The following ALOX5 variants were observed in gnomAD, a reference collection of about 807,000 sequenced individuals.
ALOX5 encodes the protein polyunsaturated fatty acid 5-lipoxygenase.
Under a neutral mutation model 87.9 loss-of-function variants are expected in ALOX5, and 64 were observed. That is an observed-to-expected ratio of 0.73 (90% CI 0.60 to 0.90). The LOEUF (loss-of-function observed/expected upper bound fraction) is 0.90, where lower values mean the gene tolerates loss of function less well. Ranked by LOEUF, ALOX5 falls within the 40% of genes least tolerant of loss-of-function variation. ALOX5 has a pLI of 0.00. For missense variants in ALOX5, 822 were observed against 907.5 expected, an observed-to-expected ratio of 0.91 and a Z score of 1.21; for synonymous variants, 388 against 355.1, an observed-to-expected ratio of 1.09 and a Z score of -1.04.
intron 2 of ALOX5, among the ~76,000 whole-genome samples, chr10:45,393,178 G>A (rs1317107624): frequency 6.6e-6 from 1 of 152,134 alleles, no homozygotes; most frequent in Non-Finnish European, 1.5e-5. Context: ...CAATATCCCT[G>A]ATGAACATCG....
intron 3 of ALOX5, 135 bp from the exon 4 acceptor site, chr10:45,412,056 T>C (rs1841082225): frequency 1.5e-6 from 2 of 1,300,474 alleles, no homozygotes; most frequent in Non-Finnish European, 2.1e-6. Flanking sequence ...AGGGTCAGCC[T>C]ATGATGTGTT....
At chr10:45,418,132 G>T (rs1841361867) in intron 4 of ALOX5, among the ~76,000 whole-genome samples, 1 of 152,240 alleles carries the variant, frequency 6.6e-6, no homozygotes, top group African/African-American at 2.4e-5. Context: ...CACCGCCTCT[G>T]TGCTGGCACA....
chr10:45,400,841 T>C (rs1840674005), intron 3 of ALOX5, among the ~76,000 whole-genome samples: 2 of 152,094 alleles, frequency 1.3e-5, no homozygotes, highest in African/African-American at 4.8e-5. Flanking sequence ...AGGTGTCCTC[T>C]GGGGATGAGA....
In ALOX5 at chr10:45,445,719, G is replaced by A; in HGVS notation, c.*32G>A. The A allele has an allele frequency of 6.3e-7, 1 of 1,591,018 alleles. No homozygotes were observed. ...TGCCAGTCTCACTGTGGGAAGGCCA[G>A]CTGCCCCAGCCAGATGGACTCCAGC... On this transcript the variant is annotated 3_prime_UTR_variant, in exon 14 of 14. Coordinates refer to ENST00000374391, the MANE Select transcript of ALOX5 (RefSeq NM_000698.5).
intron 3 of ALOX5, 111 bp from the exon 4 acceptor site, chr10:45,412,080 G>A: frequency 6.8e-7 from 1 of 1,473,948 alleles, no homozygotes; most frequent in East Asian, 2.3e-5. Context: ...TTTATTTTGA[G>A]TACATCAATC....
At chr10:45,442,900 C>G (rs1842283430) in intron 9 of ALOX5, 138 bp from the exon 10 acceptor site, 1 of 880,396 alleles carries the variant, frequency 1.1e-6, no homozygotes, top group Non-Finnish European at 1.7e-6. Context: ...TTAAACATCC[C>G]TCCCCCATCT....
rs534492508 is a variant in ALOX5 at position 45,374,650 on chromosome 10, TCGCGGCGGC to T, written c.150+226_150+234del. Reference sequence around the variant, plus strand: ...CTGGTGGGCAAGCGTCCAGGACCCCTCGCGGCGGCCGCGACCCCTGTCGGAAACGGAGAC... The same window carrying T: ...CTGGTGGGCAAGCGTCCAGGACCCCTCGCGACCCCTGTCGGAAACGGAGAC... On this transcript the variant is annotated intron_variant, in intron 1 of 13. Transcript: ENST00000374391. 1.4e-3 allele frequency among the ~76,000 whole-genome samples: 212 copies of T among 152,230 alleles called. 1 individual carries two copies. Among genetic ancestry groups the T allele is most frequent in the African/African-American group, 5.0e-3 (208 of 41,550 alleles).
At position 45,440,602 on chromosome 10, in the gene ALOX5, G is replaced by T; in HGVS notation, c.1154G>T (p.Arg385Leu). The T allele has an allele frequency of 6.2e-7, 1 of 1,614,080 alleles. No individual in the cohort carries two copies. Among genetic ancestry groups the T allele is most frequent in the Non-Finnish European group, 8.5e-7 (1 of 1,179,998 alleles). ...GAGGTTTTTGGCATTGCAATGTACC[G>T]CCAGCTGCCTGCTGTGCACCCCATT... The part of the protein sequence containing the change: ...VSEVFGIAMY[R>L]QLPAVHPIFK... The change falls in exon 8 of 14, where the codon CGC becomes CTC. Residue 385 changes from arginine (R) to leucine (L), a missense_variant. Coordinates refer to ENST00000374391, the MANE Select transcript of ALOX5 (RefSeq NM_000698.5).
intron 1 of ALOX5, among the ~76,000 whole-genome samples, chr10:45,374,792 C>T (rs952470919): frequency 6.6e-6 from 1 of 152,192 alleles, no homozygotes; most frequent in African/African-American, 2.4e-5. Flanking sequence ...TTCACTGGGC[C>T]GCGTTTCTTG....
intron 4 of ALOX5, among the ~76,000 whole-genome samples, chr10:45,418,023 A>T (rs996228066): frequency 1.3e-5 from 2 of 152,176 alleles, no homozygotes; most frequent in South Asian, 4.1e-4. Context: ...CCCTTGAGTG[A>T]TGGCCTATTG....
At chr10:45,405,609 A>G (rs1338301591) in intron 3 of ALOX5, among the ~76,000 whole-genome samples, 2 of 152,154 alleles carry the variant, frequency 1.3e-5, no homozygotes, top group African/African-American at 4.8e-5. Context: ...GTTTACATCT[A>G]TAACTTTTGG....
chr10:45,413,953 T>C (rs962962205), intron 4 of ALOX5, among the ~76,000 whole-genome samples: 4 of 152,138 alleles, frequency 2.6e-5, no homozygotes, highest in Non-Finnish European at 4.4e-5. Flanking sequence ...CACAAACAAA[T>C]GGAAGAACAT....
In ALOX5 at chr10:45,417,533, G is replaced by A. The variant is rs1005343456; in HGVS notation, c.554+5220G>A. Among the ~76,000 whole-genome samples the A allele has an allele frequency of 4.6e-5, 7 of 152,268 alleles. No individual in the cohort carries two copies. In the South Asian group the frequency reaches 1.2e-3, roughly 27 times the overall value. ...CAGCTCCACCATCTCTCCTGAGTGA[G>A]GGCAGGAGCATCTTTCCAGCTGCCT... On this transcript the variant is annotated intron_variant, in intron 4 of 13. Transcript: ENST00000374391.
At chr10:45,375,568 C>T (rs1564405861) in intron 1 of ALOX5, among the ~76,000 whole-genome samples, 1 of 152,212 alleles carries the variant, frequency 6.6e-6, no homozygotes, top group Non-Finnish European at 1.5e-5. Context: ...TCATAATGGA[C>T]AAATACAACC....
intron 7 of ALOX5, among the ~76,000 whole-genome samples, chr10:45,431,427 G>C (rs991627093): frequency 6.6e-6 from 1 of 151,726 alleles, no homozygotes; most frequent in South Asian, 2.1e-4. Flanking sequence ...TTTTTTAAAA[G>C]CTACTAGATT....
intron 11 of ALOX5, 61 bp downstream of exon 11, chr10:45,443,598 C>T: frequency 6.3e-7 from 1 of 1,596,212 alleles, no homozygotes; most frequent in Non-Finnish European, 8.5e-7. Context: ...CTGGCCCCTC[C>T]GCCACCCCTC....
chr10:45,398,140 GATAGATATATAGATCAATGAA>G (rs1425970032), intron 3 of ALOX5, among the ~76,000 whole-genome samples: 1 of 152,148 alleles, frequency 6.6e-6, no homozygotes, highest in Admixed American at 6.5e-5. Context: ...TCGGCATAAG[GATAGATATATAGATCAATGAA>G]ATAGACTTGA....
intron 2 of ALOX5, 108 bp downstream of exon 2, chr10:45,382,789 G>T: frequency 1.5e-6 from 2 of 1,313,356 alleles, no homozygotes; most frequent in Non-Finnish European, 2.1e-6. Context: ...TGCAGGGGCG[G>T]GAAGTGGGAG....
chr10:45,441,283 C>A, intron 8 of ALOX5, 61 bp from the exon 9 acceptor site: 2 of 1,494,754 alleles, frequency 1.3e-6, no homozygotes. Context: ...GCTGCGGGTC[C>A]CTGAGGCACC....
Sources: gnomAD v4.1 joint callset for allele counts (sites outside exome capture counted in the v4.1 genomes callset) on GRCh38, gnomAD v4.1.1 for gene constraint, MANE v1.5 for transcripts, NCBI Gene and HGNC (gene_info 2026-07-23, HGNC 2026-07-21) for gene names.